MOV10L1: variants seen among roughly 807,000 people sequenced by gnomAD.
MOV10L1 encodes RNA helicase Mov10l1.
Under a neutral mutation model 143.8 loss-of-function variants are expected in MOV10L1, and 110 were observed. That is an observed-to-expected ratio of 0.76 (90% CI 0.66 to 0.90). The LOEUF (loss-of-function observed/expected upper bound fraction) is 0.90. MOV10L1 is among the 40% of genes least tolerant of loss of function. The probability of loss-of-function intolerance (pLI) is 0.00; values close to 1 mark genes in which losing one functional copy is unlikely to be tolerated. For synonymous variants in MOV10L1, 593 were observed against 581.1 expected, an observed-to-expected ratio of 1.02 and a Z score of -0.29; for missense variants, 1,406 against 1,526.8, an observed-to-expected ratio of 0.92 and a Z score of 1.32.
At chr22:50,124,568 C>T (rs943707416) in intron 10 of MOV10L1, among the ~76,000 whole-genome samples, 24 of 152,186 alleles carry the variant, frequency 1.6e-4, no homozygotes, top group Admixed American at 1.4e-3. Flanking sequence ...TGTGTTCAGA[C>T]GCACTTTCTG....
intron 2 of MOV10L1, 131 bp downstream of exon 2, chr22:50,092,316 T>G: frequency 2.5e-6 from 2 of 788,330 alleles, no homozygotes; most frequent in Non-Finnish European, 4.0e-6. Flanking sequence ...AAGGGGATGC[T>G]TTTGCTCTTT....
intron 11 of MOV10L1, 95 bp from the exon 12 acceptor site, chr22:50,126,107 T>C (rs150252067): frequency 5.9e-6 from 5 of 841,844 alleles, no homozygotes; most frequent in Non-Finnish European, 9.7e-6. Flanking sequence ...CCAGTAACGT[T>C]TTATTGAACC....
At chr22:50,131,745 T>C (rs528080961) in intron 13 of MOV10L1, among the ~76,000 whole-genome samples, 18 of 152,120 alleles carry the variant, frequency 1.2e-4, no homozygotes, top group African/African-American at 3.6e-4. Flanking sequence ...AGAAAATCAG[T>C]TGACCAAATA....
chr22:50,115,105 A>AT lies in MOV10L1; in HGVS notation c.1127-6dup. The AT allele has an allele frequency of 6.4e-7, 1 of 1,560,698 alleles. No homozygotes were observed. The highest frequency in any genetic ancestry group is 1.4e-5 in the African/African-American group (1 of 70,974). ...TGGTCAACTTTTGTATTAAAATTTT[A>AT]TTTCCCAGGTGATTGTACCTGTAAA... On this transcript the variant is annotated splice_polypyrimidine_tract_variant and intron_variant, in intron 7 of 26. Coordinates refer to ENST00000262794, the MANE Select transcript of MOV10L1 (RefSeq NM_018995.3).
At chr22:50,110,373 C>G (rs2061990762) in intron 5 of MOV10L1, among the ~76,000 whole-genome samples, 1 of 151,200 alleles carries the variant, frequency 6.6e-6, no homozygotes, top group Non-Finnish European at 1.5e-5. Flanking sequence ...GGCGTGAACC[C>G]AGGAAGCGGA....
chr22:50,150,027 G>A (rs1382355374), intron 20 of MOV10L1, among the ~76,000 whole-genome samples: 1 of 152,228 alleles, frequency 6.6e-6, no homozygotes, highest in Non-Finnish European at 1.5e-5. Context: ...GGCGGACAGG[G>A]CCAGTGCTCC....
At chr22:50,123,991 T>C (rs1289763195) in intron 10 of MOV10L1, among the ~76,000 whole-genome samples, 1 of 152,224 alleles carries the variant, frequency 6.6e-6, no homozygotes, top group African/African-American at 2.4e-5. Flanking sequence ...GTTCCCACTT[T>C]CCTATCTTAT....
At chr22:50,092,509 A>G (rs950674299) in intron 2 of MOV10L1, among the ~76,000 whole-genome samples, 1 of 151,988 alleles carries the variant, frequency 6.6e-6, no homozygotes, top group Non-Finnish European at 1.5e-5. Context: ...GTCGTGGCAC[A>G]TACCTGTAGT....
intron 3 of MOV10L1, among the ~76,000 whole-genome samples, chr22:50,103,708 C>A (rs183942657): frequency 6.6e-6 from 1 of 152,108 alleles, no homozygotes; most frequent in Non-Finnish European, 1.5e-5. Context: ...TTCACAGGTT[C>A]TTATTGTAGT....
intron 15 of MOV10L1, among the ~76,000 whole-genome samples, chr22:50,140,122 C>T (rs1314799615): frequency 6.6e-6 from 1 of 152,136 alleles, no homozygotes; most frequent in African/African-American, 2.4e-5. Flanking sequence ...GCATTGTGTT[C>T]GTACAATGGA....
At position 50,152,753 on chromosome 22, in the gene MOV10L1, G is replaced by A. The variant is rs1309069763; in HGVS notation, c.2893-292G>A. On this transcript the variant is annotated intron_variant, in intron 21 of 26. Transcript: ENST00000262794. The surrounding 1 kb of genome is among the most constrained non-coding windows in gnomAD (Gnocchi z 4.4). ...CCACCCGGCTGCTGGGTTCCAGGTG[G>A]CAGGAGCCCTTTAAGAGGCCCCTCA... is the stretch of plus-strand genomic sequence containing the variant. Among the ~76,000 whole-genome samples the A allele has an allele frequency of 6.6e-6, 1 of 152,158 alleles. No homozygotes were observed. The highest frequency in any genetic ancestry group is 6.5e-5 in the Admixed American group (1 of 15,274).
At chr22:50,146,193 C>G (rs953688233) in intron 19 of MOV10L1, among the ~76,000 whole-genome samples, 4 of 151,822 alleles carry the variant, frequency 2.6e-5, no homozygotes, top group African/African-American at 4.8e-5. Context: ...CTCTGGTGAG[C>G]CGGGAAGCCA....
chr22:50,150,850 A>G lies in MOV10L1; in HGVS notation c.2843A>G (p.Gln948Arg). ...LERLMSRPAYQRDENAFGACG... is the reference protein window; with the variant it reads ...LERLMSRPAYRRDENAFGACG... Reference sequence around the variant, plus strand: ...CGGCTGATGTCTCGACCCGCGTACCAGAGGGACGAAAATGCTTTCGGTGCT... The same window carrying G: ...CGGCTGATGTCTCGACCCGCGTACCGGAGGGACGAAAATGCTTTCGGTGCT... The change falls in exon 21 of 27, where the codon CAG becomes CGG. Residue 948 changes from glutamine (Q) to arginine (R), a missense_variant. Coordinates refer to ENST00000262794, the MANE Select transcript of MOV10L1 (RefSeq NM_018995.3). 1 of 1,614,210 alleles carries G rather than the reference A, an allele frequency of 6.2e-7. No homozygotes were observed. The highest frequency in any genetic ancestry group is 8.5e-7 in the Non-Finnish European group (1 of 1,180,038).
chr22:50,114,011 C>T lies in MOV10L1; in HGVS notation c.884+223C>T, dbSNP rs189744234. ...TCAGCTCACTGCAAGCTCCGCCTCC[C>T]GGGTTCACACCATTCTCCTGCCTCA... On this transcript the variant is annotated intron_variant, in intron 6 of 26. Coordinates refer to ENST00000262794, the MANE Select transcript of MOV10L1 (RefSeq NM_018995.3). 4.3e-3 allele frequency among the ~76,000 whole-genome samples: 643 copies of T among 151,146 alleles called. 7 individuals carry two copies. The highest frequency in any genetic ancestry group is 0.014 in the African/African-American group (596 of 41,130).
At chr22:50,111,640 A>G (rs1271362764) in intron 5 of MOV10L1, among the ~76,000 whole-genome samples, 3 of 151,506 alleles carry the variant, frequency 2.0e-5, no homozygotes, top group African/African-American at 4.9e-5. Flanking sequence ...AGTAGCTGGG[A>G]CTATAGGCAC....
chr22:50,106,371 GC>G (rs1453086091), intron 3 of MOV10L1, among the ~76,000 whole-genome samples: 1 of 112,216 alleles, frequency 8.9e-6, no homozygotes, highest in East Asian at 2.8e-4. Flanking sequence ...TTACTGTGTT[GC>G]CCAGGCTGGT....
intron 19 of MOV10L1, among the ~76,000 whole-genome samples, chr22:50,148,943 C>T (rs542985360): frequency 3.0e-4 from 45 of 152,318 alleles, no homozygotes; most frequent in African/African-American, 1.0e-3. Flanking sequence ...GCATTACAGG[C>T]GTGAGCCACT....
chr22:50,113,187 C>G (rs1162330328), intron 5 of MOV10L1, among the ~76,000 whole-genome samples: 1 of 152,192 alleles, frequency 6.6e-6, no homozygotes, highest in Non-Finnish European at 1.5e-5. Flanking sequence ...TTCTCATTTT[C>G]TAAAGAGAAA....
chr22:50,150,758 G>A lies in MOV10L1; in HGVS notation c.2751G>A (p.Met917Ile). ...AGATCGTGCTGGCAGGAGACCCCATGCAGCTCGGCCCAGTCATTAAGTCCA... is the reference window on the plus strand; with the variant it reads ...AGATCGTGCTGGCAGGAGACCCCATACAGCTCGGCCCAGTCATTAAGTCCA... ...SGQIVLAGDPMQLGPVIKSRL... is the reference protein window; with the variant it reads ...SGQIVLAGDPIQLGPVIKSRL... Residue 917 changes from methionine to isoleucine, a missense_variant, in exon 21 of 27, where the codon ATG (methionine) becomes ATA (isoleucine). Coordinates refer to ENST00000262794, the MANE Select transcript of MOV10L1 (RefSeq NM_018995.3). 1 of 1,614,022 alleles carries A rather than the reference G, an allele frequency of 6.2e-7. No individual in the cohort carries two copies. Among genetic ancestry groups the A allele is most frequent in the Non-Finnish European group, 8.5e-7 (1 of 1,179,990 alleles).
Sources: allele counts gnomAD v4.1 joint callset (sites outside exome capture counted in the v4.1 genomes callset), GRCh38; gene constraint gnomAD v4.1.1; non-coding constraint Gnocchi (gnomAD v3.1); transcripts MANE v1.5; gene names NCBI Gene and HGNC (gene_info 2026-07-23, HGNC 2026-07-21).